Variants in IL33 observed in about 807,000 individuals in gnomAD.
IL33 encodes interleukin 33, also known as interleukin-33.
IL33 carries 37 observed loss-of-function variants against 27.3 expected under a neutral mutation model. The ratio of observed to expected loss-of-function variants is 1.36; its 90% CI spans 1.04 to 1.78. The LOEUF (loss-of-function observed/expected upper bound fraction) is 1.78. Ranked by LOEUF, IL33 falls within the 40% of genes most tolerant of loss-of-function variation. IL33 has a pLI of 0.00. For missense variants in IL33, 406 were observed against 311.4 expected, an observed-to-expected ratio of 1.30 and a Z score of -2.29; for synonymous variants, 132 against 102.9, an observed-to-expected ratio of 1.28 and a Z score of -1.71.
intron 1 of IL33, among the ~76,000 whole-genome samples, chr9:6,218,595 C>CAT (rs71328180): frequency 0.039 from 5,553 of 143,702 alleles, 228 homozygotes; most frequent in Non-Finnish European, 0.062. Flanking sequence ...TATATATATG[C>CAT]ATATATATAT....
rs61318432 is a variant in IL33 at position 6,236,018 on chromosome 9, T to TACACACACAC, written c.-11-5634_-11-5625dup. 2.3e-3 allele frequency among the ~76,000 whole-genome samples: 320 copies of TACACACACAC among 139,780 alleles called. 3 individuals carry two copies. The highest frequency in any genetic ancestry group is 8.3e-3 in the African/African-American group (311 of 37,342). The allele number at this position is 139,780 out of a possible 152,430, so 91.7% of individuals were successfully genotyped here. ...ATACACCCACACCCACCCACACCCA[T>TACACACACAC]ACACACACACACACACACACACACA... On this transcript the variant is annotated intron_variant, in intron 1 of 7. Transcript: ENST00000682010.
intron 1 of IL33, among the ~76,000 whole-genome samples, chr9:6,228,806 C>T (rs866485398): frequency 6.7e-6 from 1 of 149,922 alleles, no homozygotes; most frequent in Non-Finnish European, 1.5e-5. Flanking sequence ...ATGATCATGC[C>T]ACTGCCCTCC....
chr9:6,229,070 C>G (rs568523104), intron 1 of IL33, among the ~76,000 whole-genome samples: 1 of 152,172 alleles, frequency 6.6e-6, no homozygotes, highest in South Asian at 2.1e-4. Context: ...GCTAGTGCAG[C>G]TGCCAGTATA....
chr9:6,227,240 T>G (rs924088927), intron 1 of IL33, among the ~76,000 whole-genome samples: 1 of 152,224 alleles, frequency 6.6e-6, no homozygotes, highest in Non-Finnish European at 1.5e-5. Flanking sequence ...TGTTAGACTC[T>G]CCATCTTAGA....
chr9:6,238,886 A>C (rs1302298371), intron 1 of IL33, among the ~76,000 whole-genome samples: 1 of 152,208 alleles, frequency 6.6e-6, no homozygotes, highest in Admixed American at 6.5e-5. Context: ...TACTAAGAGA[A>C]TATGGAATTT....
intron 1 of IL33, among the ~76,000 whole-genome samples, chr9:6,228,218 G>C (rs1818736502): frequency 6.6e-6 from 1 of 152,096 alleles, no homozygotes; most frequent in Admixed American, 6.5e-5. Context: ...GGGTGACCAA[G>C]GCAGGAGGAT....
At chr9:6,251,400 G>A in intron 4 of IL33, 135 bp downstream of exon 4, 1 of 1,309,116 alleles carries the variant, frequency 7.6e-7, no homozygotes, top group Non-Finnish European at 1.1e-6. Context: ...ATTTGCAGCT[G>A]ATGTACCCAT....
At chr9:6,230,292 TA>T (rs1818863356) in intron 1 of IL33, among the ~76,000 whole-genome samples, 1 of 152,166 alleles carries the variant, frequency 6.6e-6, no homozygotes, top group African/African-American at 2.4e-5. Flanking sequence ...ATTGATCTAC[TA>T]GGTATCTTTA....
At chr9:6,243,415 C>T (rs955116452) in intron 2 of IL33, among the ~76,000 whole-genome samples, 5 of 152,098 alleles carry the variant, frequency 3.3e-5, no homozygotes, top group Non-Finnish European at 7.4e-5. Context: ...AGTGCAGTGG[C>T]ACCATCTCAT....
chr9:6,235,802 G>A (rs1587631577), intron 1 of IL33, among the ~76,000 whole-genome samples: 1 of 152,146 alleles, frequency 6.6e-6, no homozygotes, highest in South Asian at 2.1e-4. Flanking sequence ...GACACTCATT[G>A]TTGCTAGAAA....
Position 6,250,561 on chromosome 9 carries a change from T to G in IL33, c.179T>G (p.Phe60Cys), listed in dbSNP as rs1387802000. The G allele has an allele frequency of 6.2e-7, 1 of 1,614,010 alleles. No individual in the cohort carries two copies. Among genetic ancestry groups the G allele is most frequent in the East Asian group, 2.2e-5 (1 of 44,866 alleles). Residue 60 changes from phenylalanine to cysteine, a missense_variant, in exon 3 of 8, where the codon TTT (phenylalanine) becomes TGT (cysteine). Phe to Cys is a radical substitution (Grantham distance 205). Coordinates refer to ENST00000682010, the MANE Select transcript of IL33 (RefSeq NM_033439.4). ...ATGATAAAAAAGGAGGCCTGTTACT[T>G]TAGGAGAGAAACCACCAAAAGGCCT... is the stretch of plus-strand genomic sequence containing the variant. ...GLMIKKEACY[F>C]RRETTKRPSL...
At chr9:6,247,620 C>T (rs1180711582) in intron 2 of IL33, among the ~76,000 whole-genome samples, 2 of 152,076 alleles carry the variant, frequency 1.3e-5, no homozygotes, top group South Asian at 4.2e-4. Flanking sequence ...CCTCAGCGAG[C>T]AGGCAGGATA....
At chr9:6,253,671 A>G (rs142788426) in intron 6 of IL33, 69 bp downstream of exon 6, 1 of 1,271,934 alleles carries the variant, frequency 7.9e-7, no homozygotes. Context: ...AATCCAAAAA[A>G]ATCCTTTTTG....
intron 1 of IL33, among the ~76,000 whole-genome samples, chr9:6,232,081 G>A (rs1261133188): frequency 6.6e-6 from 1 of 152,160 alleles, no homozygotes; most frequent in Non-Finnish European, 1.5e-5. Flanking sequence ...TTAAAAGTGG[G>A]AAATTGCTAA....
At chr9:6,232,703 C>G (rs12351913) in intron 1 of IL33, among the ~76,000 whole-genome samples, 94,546 of 152,026 alleles carry the variant, frequency 0.62, 30,549 homozygotes, top group Admixed American at 0.73. Flanking sequence ...TTAAACTAAT[C>G]TCTTTCCTTT....
At chr9:6,228,209 G>T (rs537899619) in intron 1 of IL33, among the ~76,000 whole-genome samples, 1 of 152,134 alleles carries the variant, frequency 6.6e-6, no homozygotes, top group Admixed American at 6.5e-5. Context: ...AAGCACTTTG[G>T]GTGACCAAGG....
In IL33 at chr9:6,253,595, T is replaced by C. The variant is rs373463633; in HGVS notation, c.513T>C (p.Asn171=). ...LSYYESQHPS[N]ESGDGVDGKM... ...ACTATGAGTCTCAACACCCCTCAAA[T>C]GAATCAGGTAATTTGGAGGGCTGGG... The change falls in exon 6 of 8, where the codon AAT becomes AAC. Residue 171 remains asparagine (N), a synonymous_variant. Transcript: ENST00000682010. 1.9e-6 allele frequency: 3 copies of C among 1,607,574 alleles called. No homozygotes were observed. Among genetic ancestry groups the C allele is most frequent in the Non-Finnish European group, 2.6e-6 (3 of 1,175,268 alleles).
chr9:6,255,179 T>C (rs548127552), intron 7 of IL33, among the ~76,000 whole-genome samples: 7 of 152,226 alleles, frequency 4.6e-5, no homozygotes, highest in Admixed American at 3.9e-4. Context: ...ATTATAACTA[T>C]TTTGACAAAC....
chr9:6,248,760 T>C (rs184171127), intron 2 of IL33, among the ~76,000 whole-genome samples: 3 of 151,894 alleles, frequency 2.0e-5, no homozygotes, highest in Admixed American at 2.0e-4. Context: ...TTTAAATTTT[T>C]TGTAGAGACG....
Sources: allele counts gnomAD v4.1 joint callset (sites outside exome capture counted in the v4.1 genomes callset), GRCh38; gene constraint gnomAD v4.1.1; transcripts MANE v1.5; gene names NCBI Gene and HGNC (gene_info 2026-07-23, HGNC 2026-07-21).